Variants in KATNAL1 observed in about 807,000 individuals in gnomAD.
The protein encoded by KATNAL1 is katanin catalytic subunit A1 like 1.
A neutral mutation model predicts 55.2 loss-of-function variants in KATNAL1; 32 were observed. The ratio of observed to expected loss-of-function variants is 0.58; its 90% CI spans 0.44 to 0.78. KATNAL1 has a LOEUF of 0.78. Among genes scored for constraint, KATNAL1 ranks in the 30% least tolerant of loss-of-function variants. The probability of loss-of-function intolerance (pLI) is 0.00; values close to 1 mark genes in which losing one functional copy is unlikely to be tolerated. For synonymous variants in KATNAL1, 193 were observed against 193.6 expected (o/e 1.00, Z 0.02); for missense variants, 466 against 600.9 (o/e 0.78, Z 2.35).
intron 9 of KATNAL1, among the ~76,000 whole-genome samples, chr13:30,216,615 G>A (rs999384965): frequency 6.6e-6 from 1 of 152,128 alleles, no homozygotes; most frequent in Non-Finnish European, 1.5e-5. Context: ...CAACAGGCTC[G>A]CAGGGAGTAC....
intron 3 of KATNAL1, among the ~76,000 whole-genome samples, chr13:30,276,760 A>G (rs1880876596): frequency 1.3e-5 from 2 of 152,180 alleles, no homozygotes; most frequent in African/African-American, 2.4e-5. Flanking sequence ...ATACCCACTG[A>G]GTATATATGC....
In KATNAL1 at chr13:30,265,840, G is replaced by A. The variant is rs566812025; in HGVS notation, c.324-10225C>T. ...AGCCTGCCCAACATGGGGAAACTCC[G>A]TCTCTACTAAAAATACAAAAAATTT... On this transcript the variant is annotated intron_variant, in intron 3 of 10. Coordinates refer to ENST00000380615, the MANE Select transcript of KATNAL1 (RefSeq NM_032116.5). Among the ~76,000 whole-genome samples, 8 of 150,578 alleles carry A rather than the reference G, an allele frequency of 5.3e-5. No individual in the cohort carries two copies. In the South Asian group the frequency reaches 6.3e-4, roughly 12 times the overall value.
At chr13:30,292,574 T>C (rs957187842) in intron 1 of KATNAL1, among the ~76,000 whole-genome samples, 1 of 152,146 alleles carries the variant, frequency 6.6e-6, no homozygotes, top group Non-Finnish European at 1.5e-5. Context: ...AAACCTGACC[T>C]TTGCTCTGGA....
chr13:30,251,853 G>A (rs558808036), intron 4 of KATNAL1, among the ~76,000 whole-genome samples: 1 of 152,110 alleles, frequency 6.6e-6, no homozygotes, highest in African/African-American at 2.4e-5. Flanking sequence ...CTAGCCTTAT[G>A]GATGACCCTG....
At chr13:30,303,812 C>T (rs954907311) in intron 1 of KATNAL1, among the ~76,000 whole-genome samples, 1 of 152,070 alleles carries the variant, frequency 6.6e-6, no homozygotes, top group Non-Finnish European at 1.5e-5. Flanking sequence ...ATAGCATTAA[C>T]GGAAGCTTCA....
Position 30,206,800 on chromosome 13 carries a change from T to A in KATNAL1, c.*1740A>T, listed in dbSNP as rs761108228. The A allele has an allele frequency of 6.6e-6, 1 of 152,138 alleles. No individual in the cohort carries two copies. Among genetic ancestry groups the A allele is most frequent in the Non-Finnish European group, 1.5e-5 (1 of 68,012 alleles). The allele number at this position is 152,138 out of a possible 1,614,324, so 9.4% of individuals were successfully genotyped here. A position where few individuals can be genotyped will look rare whatever the true frequency, so the allele number is the denominator to read the frequency against. ...TGACTGGCAATAGTTTGCAAAATAA[T>A]CGTAATGAAACTACTTATTTCTTTA... On this transcript the variant is annotated 3_prime_UTR_variant, in exon 11 of 11. Transcript: ENST00000380615.
chr13:30,255,695 C>T, intron 3 of KATNAL1, 80 bp from the exon 4 acceptor site: 2 of 1,211,928 alleles, frequency 1.7e-6, no homozygotes, highest in South Asian at 3.3e-5. Flanking sequence ...CTATCTTAGT[C>T]AATAAAATTG....
intron 4 of KATNAL1, among the ~76,000 whole-genome samples, chr13:30,247,251 G>T (rs1201428908): frequency 6.6e-6 from 1 of 152,068 alleles, no homozygotes; most frequent in Admixed American, 6.6e-5. Flanking sequence ...GTTAGACAAG[G>T]TTTCTAAATT....
intron 1 of KATNAL1, among the ~76,000 whole-genome samples, chr13:30,286,198 G>T (rs1881774982): frequency 6.6e-6 from 1 of 152,238 alleles, no homozygotes; most frequent in Admixed American, 6.5e-5. Flanking sequence ...AAGTAACAAG[G>T]AATCAAAAGC....
chr13:30,285,359 C>T (rs1019588306), intron 1 of KATNAL1, among the ~76,000 whole-genome samples: 3 of 152,082 alleles, frequency 2.0e-5, no homozygotes, highest in African/African-American at 7.2e-5. Context: ...GTGGTGGTAA[C>T]GGATCAAGGG....
At chr13:30,270,073 G>C (rs570213653) in intron 3 of KATNAL1, among the ~76,000 whole-genome samples, 5,145 of 100,002 alleles carry the variant, frequency 0.051, 247 homozygotes, top group African/African-American at 0.088. Context: ...GGAGGGAGGT[G>C]GGGGGGGTCA....
At chr13:30,295,608 TA>T (rs113207883) in intron 1 of KATNAL1, among the ~76,000 whole-genome samples, 4 of 142,082 alleles carry the variant, frequency 2.8e-5, no homozygotes, top group Non-Finnish European at 4.7e-5. Context: ...TACAAAAAAT[TA>T]AAAAAAAAAC....
At chr13:30,237,921 G>A (rs1031248042) in intron 6 of KATNAL1, among the ~76,000 whole-genome samples, 3 of 152,170 alleles carry the variant, frequency 2.0e-5, no homozygotes, top group East Asian at 1.9e-4. Context: ...CATCCAAAAG[G>A]TTACCAACTT....
rs563246660 is a variant in KATNAL1, at chr13:30,269,352, G to A, written c.323+10711C>T. ...ACCAGCCTCGGCCTCCCGAGGTGCC[G>A]GGATTGCAGACGGAGTCTGGTTCAC... is the stretch of plus-strand genomic sequence containing the variant. On this transcript the variant is annotated intron_variant, in intron 3 of 10. Coordinates refer to ENST00000380615, the MANE Select transcript of KATNAL1 (RefSeq NM_032116.5). 5.1e-3 allele frequency among the ~76,000 whole-genome samples: 784 copies of A among 152,356 alleles called. 8 individuals carry two copies. The highest frequency in any genetic ancestry group is 0.018 in the African/African-American group (755 of 41,596).
intron 9 of KATNAL1, among the ~76,000 whole-genome samples, chr13:30,216,013 G>A (rs927613748): frequency 2.0e-5 from 3 of 152,096 alleles, no homozygotes; most frequent in East Asian, 1.9e-4. Flanking sequence ...CCTAGCAAAC[G>A]AATATGACAG....
At chr13:30,241,988 A>G (rs1481960110) in intron 4 of KATNAL1, among the ~76,000 whole-genome samples, 1 of 152,204 alleles carries the variant, frequency 6.6e-6, no homozygotes, top group Non-Finnish European at 1.5e-5. Context: ...TGCATTCCAG[A>G]TGACAGATAT....
intron 3 of KATNAL1, among the ~76,000 whole-genome samples, chr13:30,270,349 C>T (rs1375126166): frequency 3.2e-4 from 49 of 151,712 alleles, no homozygotes; most frequent in Non-Finnish European, 5.8e-4. Context: ...AGGTGAGGGG[C>T]GCCTCTGCCC....
At chr13:30,225,679 CACACA>C in intron 9 of KATNAL1, among the ~76,000 whole-genome samples, 2 of 139,736 alleles carry the variant, frequency 1.4e-5, no homozygotes, top group South Asian at 4.3e-4. Flanking sequence ...CACACACACA[CACACA>C]CAAATTCATT....
intron 8 of KATNAL1, 26 bp from the exon 9 acceptor site, chr13:30,227,572 TA>T (rs1875635619): frequency 1.3e-6 from 2 of 1,591,934 alleles, no homozygotes; most frequent in Non-Finnish European, 1.7e-6. Flanking sequence ...GAGGAAAAGA[TA>T]GTGTTTTTCT....
Sources: allele counts gnomAD v4.1 joint callset (sites outside exome capture counted in the v4.1 genomes callset), GRCh38; gene constraint gnomAD v4.1.1; transcripts MANE v1.5; gene names NCBI Gene and HGNC (gene_info 2026-07-23, HGNC 2026-07-21).